Variants in LANCL3 observed in about 807,000 individuals in gnomAD.
The protein encoded by LANCL3 is lanC-like protein 3.
In LANCL3, 19 loss-of-function variants were observed where a neutral mutation model predicts 26.5. The ratio of observed to expected loss-of-function variants is 0.72; its 90% CI spans 0.50 to 1.05. The LOEUF is 1.05. LANCL3 is among the 50% of genes least tolerant of loss of function. The probability of loss-of-function intolerance (pLI) is 0.00; values close to 1 mark genes in which losing one functional copy is unlikely to be tolerated. For missense variants in LANCL3, 318 were observed against 362.7 expected, an observed-to-expected ratio of 0.88 and a Z score of 1.00; for synonymous variants, 160 against 166.6, an observed-to-expected ratio of 0.96 and a Z score of 0.30.
At chrX:37,661,579 T>C (rs1480285853) in intron 3 of LANCL3, among the ~76,000 whole-genome samples, 2 of 111,885 alleles carry the variant, frequency 1.8e-5, no homozygotes, top group East Asian at 5.6e-4. Context: ...AGAGATGCTC[T>C]AAAAACAGCA....
rs1482832215 is a variant in LANCL3 at position 37,684,022 on chromosome X, T to C, written c.*8209T>C. On this transcript the variant is annotated 3_prime_UTR_variant, in exon 5 of 5. Transcript: ENST00000378619. ...TGATAATACAGAAAGACGTGATCACTGGAGCAAGTTAGCTGGTGTGCAGAC... is the reference window on the plus strand; with the variant it reads ...TGATAATACAGAAAGACGTGATCACCGGAGCAAGTTAGCTGGTGTGCAGAC... The C allele has an allele frequency of 8.9e-6, 1 of 112,081 alleles. No homozygotes were observed. The highest frequency in any genetic ancestry group is 2.8e-4 in the East Asian group (1 of 3,602). 9.2% of individuals were successfully genotyped at this position (112,081 alleles called of 1,213,427 possible). A position where few individuals can be genotyped will look rare whatever the true frequency, so the allele number is the denominator to read the frequency against.
chrX:37,587,295 C>G (rs1439427111), intron 1 of LANCL3, among the ~76,000 whole-genome samples: 1 of 112,586 alleles, frequency 8.9e-6, no homozygotes, highest in Non-Finnish European at 1.9e-5. Flanking sequence ...AAATTCCATG[C>G]TGGGAGAACC....
chrX:37,601,859 G>A (rs1556420050), intron 1 of LANCL3, among the ~76,000 whole-genome samples: 1 of 111,851 alleles, frequency 8.9e-6, no homozygotes, highest in Admixed American at 9.5e-5. Context: ...GCCATGTAAG[G>A]GAATCTGGAA....
intron 1 of LANCL3, among the ~76,000 whole-genome samples, chrX:37,613,739 T>C (rs1924938463): frequency 8.9e-6 from 1 of 112,699 alleles, no homozygotes; most frequent in Non-Finnish European, 1.9e-5. Context: ...GTAATATTCA[T>C]TGCATTTACT....
At chrX:37,593,895 T>G (rs782537245) in intron 1 of LANCL3, among the ~76,000 whole-genome samples, 1 of 112,349 alleles carries the variant, frequency 8.9e-6, no homozygotes, top group East Asian at 2.8e-4. Context: ...ATATATCCAT[T>G]ATATCCTTAT....
Position 37,667,433 on chromosome X carries a change from C to T in LANCL3, c.1047C>T (p.Val349=), listed in dbSNP as rs1926571296. 1.1e-5 allele frequency: 13 copies of T among 1,200,994 alleles called. No homozygotes were observed. The highest frequency in any genetic ancestry group is 1.5e-5 in the Non-Finnish European group (13 of 890,958). Reference sequence around the variant, plus strand: ...ATGGAGTAGCCGGCAGTGCCTATGTCTTCCTGCTGCTGTACCGGCTCACGG... The same window carrying T: ...ATGGAGTAGCCGGCAGTGCCTATGTTTTCCTGCTGCTGTACCGGCTCACGG... ...ICHGVAGSAY[V]FLLLYRLTGN... Residue 349 remains valine (V), a synonymous_variant, in exon 4 of 5, where the codon GTC becomes GTT. Transcript: ENST00000378619.
At chrX:37,589,365 C>A (rs1924206533) in intron 1 of LANCL3, among the ~76,000 whole-genome samples, 1 of 111,335 alleles carries the variant, frequency 9.0e-6, no homozygotes, top group Non-Finnish European at 1.9e-5. Flanking sequence ...TCTTCACCAA[C>A]AAAATGCAAT....
intron 1 of LANCL3, among the ~76,000 whole-genome samples, chrX:37,597,839 A>G (rs1030961426): frequency 9.2e-6 from 1 of 108,871 alleles, no homozygotes; most frequent in South Asian, 4.0e-4. Context: ...ATTATCAGAC[A>G]TTTTAATTAT....
At chrX:37,601,361 T>A (rs1556419996) in intron 1 of LANCL3, among the ~76,000 whole-genome samples, 1 of 111,895 alleles carries the variant, frequency 8.9e-6, no homozygotes, top group African/African-American at 3.2e-5. Flanking sequence ...TTATTGAGTC[T>A]GTGTGCAGTC....
At chrX:37,631,758 G>A (rs1277343433) in intron 1 of LANCL3, among the ~76,000 whole-genome samples, 5 of 111,180 alleles carry the variant, frequency 4.5e-5, no homozygotes, top group African/African-American at 9.8e-5. Context: ...GTAGTTGAGC[G>A]GTTTTGAGTG....
chrX:37,620,350 C>T (rs1202084438), intron 1 of LANCL3, among the ~76,000 whole-genome samples: 5 of 112,018 alleles, frequency 4.5e-5, no homozygotes, highest in Non-Finnish European at 7.5e-5. Context: ...GTAAGTAACT[C>T]TTAGAGTCTC....
At chrX:37,611,745 G>A (rs782712252) in intron 1 of LANCL3, among the ~76,000 whole-genome samples, 23 of 111,094 alleles carry the variant, frequency 2.1e-4, no homozygotes, top group Non-Finnish European at 3.2e-4. Context: ...GAATCTCTGA[G>A]CTACTTACTA....
At chrX:37,583,791 T>C (rs1392565622) in intron 1 of LANCL3, among the ~76,000 whole-genome samples, 2 of 112,259 alleles carry the variant, frequency 1.8e-5, no homozygotes, top group Non-Finnish European at 3.8e-5. Context: ...CCTCTTTTCC[T>C]AATTGAATAC....
At chrX:37,672,983 A>G (rs1926718805) in intron 4 of LANCL3, among the ~76,000 whole-genome samples, 1 of 112,392 alleles carries the variant, frequency 8.9e-6, no homozygotes, top group Non-Finnish European at 1.9e-5. Context: ...ATACAGTTGG[A>G]TTTTATGGCT....
intron 4 of LANCL3, among the ~76,000 whole-genome samples, chrX:37,674,403 A>T (rs1490134169): frequency 8.9e-6 from 1 of 111,891 alleles, no homozygotes; most frequent in East Asian, 2.8e-4. Context: ...GTGTTAGCAA[A>T]TAATACATAT....
chrX:37,649,463 G>A (rs1031103639), intron 1 of LANCL3, among the ~76,000 whole-genome samples: 6 of 110,741 alleles, frequency 5.4e-5, no homozygotes, highest in African/African-American at 1.3e-4. Context: ...GGGGGATGGG[G>A]GGCATGGGGA....
At chrX:37,635,964 C>T (rs1487235544) in intron 1 of LANCL3, among the ~76,000 whole-genome samples, 1 of 108,719 alleles carries the variant, frequency 9.2e-6, no homozygotes, top group Non-Finnish European at 1.9e-5. Flanking sequence ...TTCTCCCTCC[C>T]CCACCCTCAA....
intron 1 of LANCL3, among the ~76,000 whole-genome samples, chrX:37,582,998 G>A (rs1474692274): frequency 9.0e-6 from 1 of 111,703 alleles, no homozygotes; most frequent in South Asian, 3.7e-4. Flanking sequence ...TTTGTATAAG[G>A]TGTAAGGAAG....
At chrX:37,652,070 G>A (rs1556429208) in intron 1 of LANCL3, among the ~76,000 whole-genome samples, 1 of 109,630 alleles carries the variant, frequency 9.1e-6, no homozygotes, top group East Asian at 2.8e-4. Context: ...GTTGAGAGGA[G>A]GAATTTGATT....
Sources: gnomAD v4.1 joint callset for allele counts (sites outside exome capture counted in the v4.1 genomes callset) on GRCh38, gnomAD v4.1.1 for gene constraint, MANE v1.5 for transcripts, NCBI Gene and HGNC (gene_info 2026-07-23, HGNC 2026-07-21) for gene names.